PDLIM5: variants seen among roughly 807,000 people sequenced by gnomAD.
PDLIM5 encodes PDZ and LIM domain protein 5.
A neutral mutation model predicts 64.2 loss-of-function variants in PDLIM5; 34 were observed. The observed-to-expected ratio is 0.53, with a 90% CI of 0.40 to 0.71. The LOEUF (loss-of-function observed/expected upper bound fraction) is 0.71, where lower values mean the gene tolerates loss of function less well. Ranked by LOEUF, PDLIM5 falls within the 30% of genes least tolerant of loss-of-function variation. The probability of loss-of-function intolerance (pLI) is 0.00; values close to 1 mark genes in which losing one functional copy is unlikely to be tolerated. For missense variants in PDLIM5, 683 were observed against 733.6 expected, an observed-to-expected ratio of 0.93 and a Z score of 0.80; for synonymous variants, 253 against 269.1, an observed-to-expected ratio of 0.94 and a Z score of 0.59.
intron 9 of PDLIM5, among the ~76,000 whole-genome samples, chr4:94,646,543 TACAG>T (rs967399131): frequency 6.6e-6 from 1 of 152,076 alleles, no homozygotes; most frequent in African/African-American, 2.4e-5. Context: ...TAATAAAAAA[TACAG>T]ACAAGCAAAT....
At chr4:94,474,462 G>A (rs991732886) in intron 2 of PDLIM5, among the ~76,000 whole-genome samples, 5 of 151,936 alleles carry the variant, frequency 3.3e-5, no homozygotes, top group African/African-American at 1.2e-4. Context: ...TATTGGCCAG[G>A]CTGGTATGAA....
At chr4:94,518,393 C>T (rs1354043454) in intron 2 of PDLIM5, among the ~76,000 whole-genome samples, 1 of 152,082 alleles carries the variant, frequency 6.6e-6, no homozygotes, top group Admixed American at 6.6e-5. Flanking sequence ...ATTTGAGTTC[C>T]TTGTCTAAGT....
At chr4:94,598,806 T>G (rs1373346633) in intron 7 of PDLIM5, among the ~76,000 whole-genome samples, 1 of 152,010 alleles carries the variant, frequency 6.6e-6, no homozygotes, top group Non-Finnish European at 1.5e-5. Context: ...GTAAGGTCAT[T>G]AGACTCTAGT....
At chr4:94,565,561 G>C (rs1232231653) in intron 3 of PDLIM5, among the ~76,000 whole-genome samples, 1 of 152,010 alleles carries the variant, frequency 6.6e-6, no homozygotes, top group East Asian at 1.9e-4. Flanking sequence ...TATGTGATGT[G>C]GTATCTTGGG....
At chr4:94,582,920 C>G (rs889117370) in intron 5 of PDLIM5, 4 of 543,030 alleles carry the variant, frequency 7.4e-6, no homozygotes, top group Non-Finnish European at 1.3e-5. Context: ...ATGTTTAGAA[C>G]ACCCACACTT....
intron 7 of PDLIM5, among the ~76,000 whole-genome samples, chr4:94,612,294 G>T (rs1184701437): frequency 6.6e-6 from 1 of 152,090 alleles, no homozygotes; most frequent in Non-Finnish European, 1.5e-5. Flanking sequence ...AACTTTTAAG[G>T]GAGGTGTTTA....
At chr4:94,517,012 A>G (rs1005120364) in intron 2 of PDLIM5, among the ~76,000 whole-genome samples, 10 of 152,350 alleles carry the variant, frequency 6.6e-5, no homozygotes, top group Admixed American at 2.0e-4. Context: ...ATTAATAAGC[A>G]CTAGGATGAT....
At chr4:94,605,546 A>G (rs1177492050) in intron 7 of PDLIM5, among the ~76,000 whole-genome samples, 1 of 152,226 alleles carries the variant, frequency 6.6e-6, no homozygotes, top group East Asian at 1.9e-4. Flanking sequence ...GCTTCCTCCA[A>G]CCTAAAAGGA....
chr4:94,561,426 A>G (rs909962378), intron 3 of PDLIM5, among the ~76,000 whole-genome samples: 2 of 152,238 alleles, frequency 1.3e-5, no homozygotes, highest in African/African-American at 4.8e-5. Context: ...AGAGTTACAA[A>G]ATAGTTCTGG....
chr4:94,640,309 C>G lies in PDLIM5; in HGVS notation c.1142C>G (p.Thr381Ser), dbSNP rs1164242102. The change falls in exon 9 of 13, where the codon ACT becomes AGT. Residue 381 changes from threonine (T) to serine (S), a missense_variant. Physicochemically the swap from Thr to Ser is moderately conservative, Grantham distance 58. Transcript: ENST00000317968. Reference protein sequence around the residue: ...PSTGRISNSATYSGSVAPANS... With the variant: ...PSTGRISNSASYSGSVAPANS... Reference sequence around the variant, plus strand: ...ACTGGAAGAATCTCAAACAGCGCTACTTACTCAGGATCAGTGGCACCAGCC... The same window carrying G: ...ACTGGAAGAATCTCAAACAGCGCTAGTTACTCAGGATCAGTGGCACCAGCC... The G allele has an allele frequency of 1.2e-6, 2 of 1,611,200 alleles. No individual in the cohort carries two copies. Among genetic ancestry groups the G allele is most frequent in the Non-Finnish European group, 1.7e-6 (2 of 1,177,598 alleles).
In PDLIM5 at chr4:94,586,911, A is replaced by C; in HGVS notation, c.920+467A>C. The C allele has an allele frequency of 6.4e-6, 8 of 1,243,924 alleles. No individual in the cohort carries two copies. The South Asian group carries it at 1.2e-4, about 19-fold the overall frequency. The allele number at this position is 1,243,924 out of a possible 1,614,324, so 77.1% of individuals were successfully genotyped here. ...GGCATGTTTTCTGCATGATGGAATT[A>C]GTCTAGAACCTTTTTCCTTCTATTT... On this transcript the variant is annotated intron_variant, in intron 7 of 12. Transcript: ENST00000317968.
chr4:94,655,826 G>A (rs1742166902), intron 10 of PDLIM5, among the ~76,000 whole-genome samples: 1 of 152,142 alleles, frequency 6.6e-6, no homozygotes, highest in African/African-American at 2.4e-5. Context: ...TCAATAGCTT[G>A]TCTAGATTGT....
intron 5 of PDLIM5, chr4:94,582,956 A>G: frequency 2.1e-6 from 1 of 478,186 alleles, no homozygotes. Flanking sequence ...TAGTAAGTTA[A>G]CCTTCATTGA....
In PDLIM5 at chr4:94,575,675, CACTTCCACAA is replaced by C. The variant is rs1418898726; in HGVS notation, c.354_363del (p.Ser119ThrfsTer73). The C allele has an allele frequency of 6.2e-7, 1 of 1,612,214 alleles. No homozygotes were observed. The highest frequency in any genetic ancestry group is 1.3e-5 in the African/African-American group (1 of 74,902). On this transcript the variant is annotated frameshift_variant, in exon 5 of 13. Coordinates refer to ENST00000317968, the MANE Select transcript of PDLIM5 (RefSeq NM_006457.5). LOFTEE classifies it high-confidence loss of function. ...TTACATCTCCTGCTGTGTCCAAAGTCACTTCCACAAACAACATGGCCTACAATAAGGCACC... is the reference window on the plus strand; with the variant it reads ...TTACATCTCCTGCTGTGTCCAAAGTCACAACATGGCCTACAATAAGGCACC...
In PDLIM5 at chr4:94,662,596, T is replaced by C. The variant is rs1173247978; in HGVS notation, c.1701+59T>C. 1.5e-4 allele frequency: 105 copies of C among 698,686 alleles called. 1 individual carries two copies. The South Asian group carries it at 2.0e-3, about 13-fold the overall frequency. 43.3% of individuals were successfully genotyped at this position (698,686 alleles called of 1,614,324 possible). ...ATAGTATGGCCAATTCTAGCTTTAG[T>C]ATTTAATGGAAATATCAGCTTCTGG... On this transcript the variant is annotated intron_variant, in intron 12 of 12. Transcript: ENST00000317968.
intron 3 of PDLIM5, among the ~76,000 whole-genome samples, chr4:94,542,261 G>A (rs1452629147): frequency 9.2e-5 from 14 of 151,762 alleles, no homozygotes; most frequent in African/African-American, 2.9e-4. Flanking sequence ...GCAGTGAGCC[G>A]AGATCATGCC....
At chr4:94,539,510 A>G (rs1731594859) in intron 3 of PDLIM5, among the ~76,000 whole-genome samples, 1 of 152,194 alleles carries the variant, frequency 6.6e-6, no homozygotes, top group Non-Finnish European at 1.5e-5. Context: ...TGCCAGGTCT[A>G]CGGTAGGATT....
intron 8 of PDLIM5, among the ~76,000 whole-genome samples, chr4:94,629,072 CAGGCACAG>C (rs1739929362): frequency 2.0e-5 from 3 of 152,038 alleles, no homozygotes; most frequent in Non-Finnish European, 4.4e-5. Context: ...GATTCTGGGC[CAGGCACAG>C]TGGCCCATGC....
intron 3 of PDLIM5, among the ~76,000 whole-genome samples, chr4:94,560,006 C>A (rs921868238): frequency 1.3e-5 from 2 of 152,084 alleles, no homozygotes; most frequent in Admixed American, 6.6e-5. Flanking sequence ...CTGGCCAGCC[C>A]GTGACTGTTT....
Sources: allele counts gnomAD v4.1 joint callset (sites outside exome capture counted in the v4.1 genomes callset), GRCh38; gene constraint gnomAD v4.1.1; transcripts MANE v1.5; gene names NCBI Gene and HGNC (gene_info 2026-07-23, HGNC 2026-07-21).